Variants in MCF2L observed in about 807,000 individuals in gnomAD.
MCF2L encodes the protein guanine nucleotide exchange factor DBS.
MCF2L carries 97 observed loss-of-function variants against 153.4 expected under a neutral mutation model. The ratio of observed to expected loss-of-function variants is 0.63; its 90% confidence interval spans 0.54 to 0.75. The LOEUF is 0.75. Among genes scored for constraint, MCF2L ranks in the 30% least tolerant of loss-of-function variants. The pLI, the probability that MCF2L is intolerant of heterozygous loss-of-function variation, is 0.00. For synonymous variants in MCF2L, 659 were observed against 632.2 expected (o/e 1.04, Z -0.64); for missense variants, 1,347 against 1,495.2 (o/e 0.90, Z 1.64).
At chr13:113,030,858 G>A (rs555943575) in intron 3 of MCF2L, among the ~76,000 whole-genome samples, 3 of 152,234 alleles carry the variant, frequency 2.0e-5, no homozygotes, top group Admixed American at 6.5e-5. Flanking sequence ...ACAGGTAGAC[G>A]GTCAGACCTG....
Position 113,087,283 on chromosome 13 carries a change from G to A in MCF2L, c.2422G>A (p.Val808Ile), listed in dbSNP as rs750299577. 1.9e-5 allele frequency: 30 copies of A among 1,612,884 alleles called. No homozygotes were observed. In the African/African-American group the frequency reaches 1.9e-4, roughly 10 times the overall value. The change falls in exon 22 of 30, where the codon GTC (valine) becomes ATC (isoleucine). Residue 808 changes from valine (V) to isoleucine (I), a missense_variant. Physicochemically the swap from Val to Ile is conservative, Grantham distance 29. Coordinates refer to ENST00000535094, the MANE Select transcript of MCF2L (RefSeq NM_001112732.3). ...GCTGCTGATGCAGGGCTCGTTCAGC[G>A]TCTGGACCGACCACAAGAGGGGCCA... Reference protein sequence around the residue: ...GKLLMQGSFSVWTDHKRGHTK... With the variant: ...GKLLMQGSFSIWTDHKRGHTK...
Position 113,086,044 on chromosome 13 carries a change from C to G in MCF2L, c.2248-80C>G, listed in dbSNP as rs1394359189. ...GGGTGAGCAGCATCCCTACCTCGTG[C>G]CAAGCTCCTGAGGGGTCTGTTCCAG... On this transcript the variant is annotated intron_variant, in intron 20 of 29. Coordinates refer to ENST00000535094, the MANE Select transcript of MCF2L (RefSeq NM_001112732.3). The G allele has an allele frequency of 3.4e-6, 5 of 1,469,758 alleles. No individual in the cohort carries two copies. The African/African-American group carries it at 4.3e-5, about 13-fold the overall frequency. The allele number at this position is 1,469,758 out of a possible 1,614,324, so 91.0% of individuals were successfully genotyped here.
At chr13:112,901,678 T>C (rs2081120935) in intron 1 of MCF2L, among the ~76,000 whole-genome samples, 1 of 152,226 alleles carries the variant, frequency 6.6e-6, no homozygotes, top group Admixed American at 6.5e-5. Flanking sequence ...TCCCAAAAAC[T>C]TCGTGTAAGT....
In MCF2L at chr13:113,035,327, C is replaced by T. The variant is rs190431561; in HGVS notation, c.279-9944C>T. ...CTGTCTGTAAACCCTAATAAATGAC[C>T]CTACTCAGGTAAGACGTCCTGACAG... On this transcript the variant is annotated intron_variant, in intron 3 of 29. Transcript: ENST00000535094. The surrounding 1 kb of genome is among the most constrained non-coding windows in gnomAD (Gnocchi z 4.4). Among the ~76,000 whole-genome samples, 1 of 152,284 alleles carries T rather than the reference C, an allele frequency of 6.6e-6. No homozygotes were observed. Among genetic ancestry groups the T allele is most frequent in the East Asian group, 1.9e-4 (1 of 5,186 alleles).
intron 2 of MCF2L, among the ~76,000 whole-genome samples, chr13:112,911,140 C>T (rs1166115008): frequency 6.6e-6 from 1 of 152,188 alleles, no homozygotes; most frequent in Non-Finnish European, 1.5e-5. Flanking sequence ...CTCGTCCTGG[C>T]GGTGGGTGGC....
chr13:112,896,276 C>G (rs376094474), intron 1 of MCF2L, among the ~76,000 whole-genome samples: 105 of 152,336 alleles, frequency 6.9e-4, no homozygotes, highest in African/African-American at 2.2e-3. Flanking sequence ...TCACCGCCCC[C>G]CCGAGGCCTC....
At chr13:113,033,623 C>T (rs2085938854) in intron 3 of MCF2L, among the ~76,000 whole-genome samples, 1 of 152,072 alleles carries the variant, frequency 6.6e-6, no homozygotes, top group African/African-American at 2.4e-5. Context: ...AATGCTCCAG[C>T]TGGGTGATTT....
At chr13:113,011,980 A>G (rs2084162463) in intron 1 of MCF2L, among the ~76,000 whole-genome samples, 2 of 90,068 alleles carry the variant, frequency 2.2e-5, no homozygotes, top group African/African-American at 4.0e-5. Flanking sequence ...GGCTGGGTGG[A>G]TGGTGGACAC....
intron 2 of MCF2L, chr13:112,917,243 C>T (rs1374044003): frequency 2.2e-6 from 1 of 464,150 alleles, no homozygotes; most frequent in Non-Finnish European, 4.5e-6. Context: ...CACCCGCATC[C>T]TACAGGTCTC....
At chr13:113,001,881 G>A in intron 1 of MCF2L, 1 of 1,574,550 alleles carries the variant, frequency 6.4e-7, no homozygotes, top group East Asian at 2.3e-5. Context: ...CGGGAGCCGG[G>A]TCGGGGGCTC....
At chr13:113,007,785 G>C (rs1238357428) in intron 1 of MCF2L, among the ~76,000 whole-genome samples, 1 of 152,142 alleles carries the variant, frequency 6.6e-6, no homozygotes, top group Non-Finnish European at 1.5e-5. Context: ...TTCACATTAG[G>C]TGATTGCCGG....
intron 1 of MCF2L, among the ~76,000 whole-genome samples, chr13:112,991,388 T>C (rs992717571): frequency 6.6e-6 from 1 of 151,102 alleles, no homozygotes; most frequent in East Asian, 2.0e-4. Flanking sequence ...CAGGACCTGA[T>C]TCGCTGTGTT....
chr13:113,018,752 C>A (rs2084693075), intron 2 of MCF2L, among the ~76,000 whole-genome samples: 1 of 152,252 alleles, frequency 6.6e-6, no homozygotes, highest in African/African-American at 2.4e-5. Context: ...AGACTTGCCA[C>A]CGGTGAAAAC....
chr13:112,980,624 G>T (rs1300091418), intron 1 of MCF2L, among the ~76,000 whole-genome samples: 2 of 24,590 alleles, frequency 8.1e-5, no homozygotes, highest in Non-Finnish European at 3.5e-4. Flanking sequence ...GAGCCTCTCA[G>T]GCTGCCGCCT....
At chr13:113,092,965 T>A (rs2035345375) in intron 26 of MCF2L, among the ~76,000 whole-genome samples, 1 of 152,226 alleles carries the variant, frequency 6.6e-6, no homozygotes. Flanking sequence ...GTGGACAGGT[T>A]CGTGTGTAAG....
At chr13:113,001,903 T>C (rs917184389) in intron 1 of MCF2L, 10 of 1,591,682 alleles carry the variant, frequency 6.3e-6, no homozygotes, top group East Asian at 2.3e-5. Context: ...TGACTCGCAC[T>C]GGGCAGCATG....
chr13:112,949,624 A>G (rs2140704813), intron 2 of MCF2L, among the ~76,000 whole-genome samples: 1 of 152,324 alleles, frequency 6.6e-6, no homozygotes, highest in South Asian at 2.1e-4. Context: ...TAATGGAGAA[A>G]AATCATATAA....
Position 113,085,195 on chromosome 13 carries a change from C to T in MCF2L, c.2247+17C>T, listed in dbSNP as rs754642838. On this transcript the variant is annotated intron_variant, in intron 20 of 29. Coordinates refer to ENST00000535094, the MANE Select transcript of MCF2L (RefSeq NM_001112732.3). Reference sequence around the variant, plus strand: ...CTGCTCAAGGTGGGCTCCGCGGTGACCGTGGCCCGGCCTCCCCAGCACCTG... The same window carrying T: ...CTGCTCAAGGTGGGCTCCGCGGTGATCGTGGCCCGGCCTCCCCAGCACCTG... 1 of 1,610,192 alleles carries T rather than the reference C, an allele frequency of 6.2e-7. No homozygotes were observed.
chr13:112,936,719 A>G (rs760345847), intron 2 of MCF2L, among the ~76,000 whole-genome samples: 1 of 152,228 alleles, frequency 6.6e-6, no homozygotes, highest in East Asian at 1.9e-4. Flanking sequence ...GTTTCCTAGG[A>G]CATGTCTTTT....
Sources: allele counts gnomAD v4.1 joint callset (sites outside exome capture counted in the v4.1 genomes callset), GRCh38; gene constraint gnomAD v4.1.1; non-coding constraint Gnocchi (gnomAD v3.1); transcripts MANE v1.5; gene names NCBI Gene and HGNC (gene_info 2026-07-23, HGNC 2026-07-21).